USP15: variants seen among roughly 807,000 people sequenced by gnomAD.
USP15 encodes ubiquitin carboxyl-terminal hydrolase 15.
USP15 carries 18 observed loss-of-function variants against 127.1 expected under a neutral mutation model. The observed-to-expected ratio is 0.14, with a 90% CI of 0.10 to 0.21. The LOEUF (loss-of-function observed/expected upper bound fraction) is 0.21, where lower values mean the gene tolerates loss of function less well. Among genes scored for constraint, USP15 ranks in the 10% least tolerant of loss-of-function variants. The probability of loss-of-function intolerance (pLI) is 1.00; values close to 1 mark genes in which losing one functional copy is unlikely to be tolerated. For synonymous variants in USP15, 364 were observed against 393.7 expected (o/e 0.92, Z 0.89); for missense variants, 805 against 1,159.9 (o/e 0.69, Z 4.44).
At chr12:62,308,140 T>A (rs955760873) in intron 3 of USP15, among the ~76,000 whole-genome samples, 1 of 152,092 alleles carries the variant, frequency 6.6e-6, no homozygotes, top group East Asian at 1.9e-4. Context: ...ATATATGTCT[T>A]CAAAGGCTTA....
At chr12:62,399,303 T>C (rs1379955842) in intron 20 of USP15, among the ~76,000 whole-genome samples, 1 of 152,174 alleles carries the variant, frequency 6.6e-6, no homozygotes, top group Non-Finnish European at 1.5e-5. Context: ...TAGGGAAAAG[T>C]GTGCTCAAAG....
intron 8 of USP15, among the ~76,000 whole-genome samples, chr12:62,373,913 A>G (rs1204739807): frequency 6.6e-6 from 1 of 151,860 alleles, no homozygotes; most frequent in Non-Finnish European, 1.5e-5. Context: ...ACAGGCCTAT[A>G]TTTGTAGTTT....
intron 6 of USP15, among the ~76,000 whole-genome samples, chr12:62,341,520 T>C (rs1054831275): frequency 2.0e-5 from 3 of 152,142 alleles, no homozygotes; most frequent in African/African-American, 7.2e-5. Flanking sequence ...CTGGTACCAG[T>C]TTTTCCTTTC....
At chr12:62,297,771 C>T (rs2064177934) in intron 2 of USP15, among the ~76,000 whole-genome samples, 1 of 152,016 alleles carries the variant, frequency 6.6e-6, no homozygotes, top group Non-Finnish European at 1.5e-5. Flanking sequence ...TGCAAAGCTA[C>T]AAGAACTCAA....
At chr12:62,398,112 C>T (rs2067555731) in intron 20 of USP15, among the ~76,000 whole-genome samples, 1 of 151,852 alleles carries the variant, frequency 6.6e-6, no homozygotes, top group South Asian at 2.1e-4. Context: ...CCACCTTTGC[C>T]TCCCGAGTAG....
At chr12:62,315,061 G>C in intron 4 of USP15, 145 bp downstream of exon 4, 1 of 731,682 alleles carries the variant, frequency 1.4e-6, no homozygotes, top group Non-Finnish European at 1.9e-6. Flanking sequence ...ATGTCTTAGA[G>C]TTAAATTATT....
chr12:62,358,279 C>G (rs917401391), intron 8 of USP15, among the ~76,000 whole-genome samples: 1 of 152,050 alleles, frequency 6.6e-6, no homozygotes, highest in African/African-American at 2.4e-5. Context: ...CTAAGCAGCA[C>G]CAATCTGAGT....
intron 8 of USP15, among the ~76,000 whole-genome samples, chr12:62,366,535 C>T (rs931195683): frequency 6.6e-6 from 1 of 152,104 alleles, no homozygotes; most frequent in Non-Finnish European, 1.5e-5. Context: ...GTTTGAATAC[C>T]CTTTATTTCT....
rs1050692707 is a variant in USP15, at chr12:62,408,073, T to G, written c.*3698T>G. 1.3e-5 allele frequency: 2 copies of G among 150,970 alleles called. No individual in the cohort carries two copies. The highest frequency in any genetic ancestry group is 3.0e-5 in the Non-Finnish European group (2 of 67,678). 9.4% of individuals were successfully genotyped at this position (150,970 alleles called of 1,614,324 possible). A position where few individuals can be genotyped will look rare whatever the true frequency, so the allele number is the denominator to read the frequency against. On this transcript the variant is annotated 3_prime_UTR_variant, in exon 22 of 22. Coordinates refer to ENST00000280377, the MANE Select transcript of USP15 (RefSeq NM_001252078.2). ...TAGATACAACATAAAGGTGGTGGGGTTTTTTATGAACTAATTTGATTGAAG... is the reference window on the plus strand; with the variant it reads ...TAGATACAACATAAAGGTGGTGGGGGTTTTTATGAACTAATTTGATTGAAG...
intron 1 of USP15, among the ~76,000 whole-genome samples, chr12:62,290,814 A>G (rs2063942445): frequency 6.6e-6 from 1 of 152,096 alleles, no homozygotes; most frequent in South Asian, 2.1e-4. Context: ...GTGATGACAG[A>G]TTCCCTCAAT....
At chr12:62,392,918 C>A in intron 18 of USP15, 135 bp from the exon 19 acceptor site, 3 of 882,394 alleles carry the variant, frequency 3.4e-6, no homozygotes, top group Non-Finnish European at 5.1e-6. Context: ...TTGCTTTCAA[C>A]CTGGTACATA....
intron 4 of USP15, among the ~76,000 whole-genome samples, chr12:62,319,986 C>T (rs2064939043): frequency 6.6e-6 from 1 of 152,042 alleles, no homozygotes; most frequent in African/African-American, 2.4e-5. Context: ...GATCTTGGTG[C>T]AATTTACATG....
At chr12:62,396,526 T>A in intron 20 of USP15, 128 bp downstream of exon 20, 1 of 789,164 alleles carries the variant, frequency 1.3e-6, no homozygotes, top group Non-Finnish European at 2.0e-6. Flanking sequence ...TAGTTCAGTA[T>A]TGATTAATGA....
In USP15 at chr12:62,375,670, G is replaced by T. The variant is rs117953355; in HGVS notation, c.916-5820G>T. ...GAATAAATAGGAATTTCTTATAGGG[G>T]ATGAATATTCTAAGAAAGGCAAGAG... On this transcript the variant is annotated intron_variant, in intron 8 of 21. Transcript: ENST00000280377. Among the ~76,000 whole-genome samples, 1,456 of 152,240 alleles carry T rather than the reference G, an allele frequency of 9.6e-3. 12 individuals carry two copies. Among genetic ancestry groups the T allele is most frequent in the Non-Finnish European group, 0.014 (927 of 68,004 alleles).
At chr12:62,392,051 C>CTT (rs537908226) in intron 17 of USP15, among the ~76,000 whole-genome samples, 165 bp downstream of exon 17, 2 of 148,274 alleles carry the variant, frequency 1.3e-5, no homozygotes, top group Non-Finnish European at 1.5e-5. Flanking sequence ...GCAAAAATAC[C>CTT]TTTTTTTTTT....
intron 6 of USP15, among the ~76,000 whole-genome samples, chr12:62,338,405 A>T (rs1400589866): frequency 2.0e-5 from 3 of 151,982 alleles, no homozygotes; most frequent in Non-Finnish European, 4.4e-5. Context: ...GATTGCAGAA[A>T]TTTTCTCCCA....
intron 8 of USP15, among the ~76,000 whole-genome samples, chr12:62,355,815 CTTTTT>C (rs775118962): frequency 2.3e-4 from 27 of 114,958 alleles, no homozygotes; most frequent in African/African-American, 7.5e-4. Context: ...GTCTGTTGCA[CTTTTT>C]TTTTCTTTTT....
intron 7 of USP15, among the ~76,000 whole-genome samples, chr12:62,350,815 A>G (rs2065946762): frequency 6.6e-6 from 1 of 152,030 alleles, no homozygotes; most frequent in Non-Finnish European, 1.5e-5. Flanking sequence ...TTTCATAGAG[A>G]CAGTCCCACT....
chr12:62,372,385 C>T (rs1327749456), intron 8 of USP15, among the ~76,000 whole-genome samples: 1 of 152,036 alleles, frequency 6.6e-6, no homozygotes, highest in Non-Finnish European at 1.5e-5. Flanking sequence ...TGAAAGATTT[C>T]AGTGAATGAT....
Sources: allele counts gnomAD v4.1 joint callset (sites outside exome capture counted in the v4.1 genomes callset), GRCh38; gene constraint gnomAD v4.1.1; transcripts MANE v1.5; gene names NCBI Gene and HGNC (gene_info 2026-07-23, HGNC 2026-07-21).